The following ADGRV1 variants were observed in gnomAD, a reference collection of about 807,000 sequenced individuals.
The protein encoded by ADGRV1 is adhesion G protein-coupled receptor V1.
Under a neutral mutation model 596.2 loss-of-function variants are expected in ADGRV1, and 359 were observed. The ratio of observed to expected loss-of-function variants is 0.60; its 90% CI spans 0.55 to 0.66. The LOEUF is 0.66. Ranked by LOEUF, ADGRV1 falls within the 30% of genes least tolerant of loss-of-function variation. The probability of loss-of-function intolerance (pLI) is 0.00; values close to 1 mark genes in which losing one functional copy is unlikely to be tolerated. For missense variants in ADGRV1, 7,274 were observed against 7,575.6 expected (o/e 0.96, Z 1.48); for synonymous variants, 2,681 against 2,679.2 (o/e 1.00, Z -0.02).
At chr5:90,828,805 A>T (rs999714570) in intron 76 of ADGRV1, 139 bp from the exon 77 acceptor site, 2 of 460,842 alleles carry the variant, frequency 4.3e-6, no homozygotes, top group African/African-American at 4.0e-5. Flanking sequence ...TTCCGTAATT[A>T]TACAGAATAT....
intron 53 of ADGRV1, among the ~76,000 whole-genome samples, chr5:90,751,107 G>C (rs955754726): frequency 2.6e-5 from 4 of 152,138 alleles, no homozygotes; most frequent in Non-Finnish European, 5.9e-5. Flanking sequence ...GTTGTGGAGT[G>C]ATATAGGTTG....
intron 23 of ADGRV1, chr5:90,674,597 G>C (rs1045107557): frequency 1.9e-5 from 3 of 159,598 alleles, no homozygotes; most frequent in African/African-American, 7.2e-5. Flanking sequence ...TAAGCTTCAA[G>C]AAGTGAAGCT....
intron 87 of ADGRV1, among the ~76,000 whole-genome samples, chr5:91,108,831 G>C (rs566384950): frequency 3.3e-5 from 5 of 152,036 alleles, no homozygotes; most frequent in Non-Finnish European, 7.4e-5. Flanking sequence ...TCCTGGCCTC[G>C]AGTGATCCTC....
chr5:90,837,251 A>G (rs1765045853), intron 77 of ADGRV1, among the ~76,000 whole-genome samples: 1 of 152,244 alleles, frequency 6.6e-6, no homozygotes, highest in Non-Finnish European at 1.5e-5. Flanking sequence ...GATTCCAAAT[A>G]CTTTCTTTTA....
chr5:90,604,606 C>T (rs778944346), intron 1 of ADGRV1, among the ~76,000 whole-genome samples: 1 of 152,106 alleles, frequency 6.6e-6, no homozygotes, highest in Non-Finnish European at 1.5e-5. Context: ...GGTCAAAAAT[C>T]TATCCTTAGA....
chr5:90,685,821 G>A lies in ADGRV1; in HGVS notation c.6316G>A (p.Ala2106Thr). 3.1e-6 allele frequency: 5 copies of A among 1,611,376 alleles called. No homozygotes were observed. The highest frequency in any genetic ancestry group is 4.2e-6 in the Non-Finnish European group (5 of 1,178,660). Residue 2106 changes from alanine to threonine, a missense_variant, in exon 29 of 90, where the codon GCG becomes ACG. By Grantham distance (58) the Ala-to-Thr change is moderately conservative. This residue lies in a region of ADGRV1 where 3,643 missense variants were observed against 3,809.2 expected (regional missense o/e 0.96). Transcript: ENST00000405460. ...TCTTGGGCCTAAGGTAGAAACTATT[G>A]CGCAACTAATTATCATTGCCAATGA... ...PRLGPKVETI[A>T]QLIIIANDDA...
At chr5:90,719,818 A>G (rs1210470478) in intron 43 of ADGRV1, among the ~76,000 whole-genome samples, 2 of 152,216 alleles carry the variant, frequency 1.3e-5, no homozygotes, top group Non-Finnish European at 2.9e-5. Flanking sequence ...AAAATGCACT[A>G]AATATTTTTT....
chr5:90,908,322 C>T (rs980539207), intron 83 of ADGRV1, among the ~76,000 whole-genome samples: 3 of 152,044 alleles, frequency 2.0e-5, no homozygotes, highest in Non-Finnish European at 4.4e-5. Context: ...ATAATCACAT[C>T]GGGGTAAATG....
At chr5:90,930,074 C>G (rs963791593) in intron 83 of ADGRV1, among the ~76,000 whole-genome samples, 1 of 152,130 alleles carries the variant, frequency 6.6e-6, no homozygotes, top group African/African-American at 2.4e-5. Context: ...CACTAAACAT[C>G]TTCTTTTTGT....
At chr5:90,989,873 A>G (rs923074588) in intron 85 of ADGRV1, among the ~76,000 whole-genome samples, 5 of 151,892 alleles carry the variant, frequency 3.3e-5, no homozygotes, top group South Asian at 4.2e-4. Context: ...CTGGAGTGCA[A>G]TGGCGTGATC....
intron 85 of ADGRV1, among the ~76,000 whole-genome samples, chr5:91,034,174 C>A (rs1207239179): frequency 6.6e-6 from 1 of 151,888 alleles, no homozygotes; most frequent in African/African-American, 2.4e-5. Context: ...GCTGGAAGAC[C>A]AAATCTAGTA....
chr5:90,975,550 A>T (rs564210331), intron 84 of ADGRV1, among the ~76,000 whole-genome samples: 22 of 152,316 alleles, frequency 1.4e-4, no homozygotes, highest in African/African-American at 5.1e-4. Flanking sequence ...TGTCCTTTTT[A>T]GGGACATGGA....
intron 70 of ADGRV1, among the ~76,000 whole-genome samples, chr5:90,794,347 CT>C (rs759918962): frequency 1.3e-5 from 2 of 152,086 alleles, no homozygotes; most frequent in Admixed American, 6.5e-5. Context: ...TAACAGCTGG[CT>C]TTTTTTTATG....
intron 83 of ADGRV1, among the ~76,000 whole-genome samples, chr5:90,923,699 A>AAC (rs1774110231): frequency 3.9e-5 from 6 of 152,276 alleles, no homozygotes; most frequent in Non-Finnish European, 8.8e-5. Context: ...TTACATATGT[A>AAC]TACATGTGCC....
At chr5:90,692,236 G>A (rs1561537445) in intron 31 of ADGRV1, among the ~76,000 whole-genome samples, 2 of 151,830 alleles carry the variant, frequency 1.3e-5, no homozygotes, top group Non-Finnish European at 2.9e-5. Flanking sequence ...GTATATTAAC[G>A]CTCCATTAAA....
At chr5:91,082,870 C>A (rs1582002032) in intron 86 of ADGRV1, among the ~76,000 whole-genome samples, 1 of 152,024 alleles carries the variant, frequency 6.6e-6, no homozygotes, top group East Asian at 1.9e-4. Context: ...TTGTTATTTT[C>A]ATTATTTAAA....
intron 86 of ADGRV1, among the ~76,000 whole-genome samples, chr5:91,094,614 A>T (rs867778551): frequency 2.0e-5 from 3 of 152,314 alleles, no homozygotes; most frequent in African/African-American, 4.8e-5. Context: ...ATTGTAGAGG[A>T]CAAATTTCAG....
At chr5:90,966,817 T>G (rs1778514886) in intron 84 of ADGRV1, among the ~76,000 whole-genome samples, 2 of 152,198 alleles carry the variant, frequency 1.3e-5, no homozygotes, top group Non-Finnish European at 1.5e-5. Context: ...TTTAAGTGGC[T>G]CAACTAAAAT....
rs956072967 is a variant in ADGRV1 at position 90,644,731 on chromosome 5, A to C, written c.2760A>C (p.Arg920=). ...CTGTTTATGATGTAGTAAGAAATCG[A>C]GGCAACTTTGGTGATGTTAGTGTAT... The part of the protein sequence containing the change: ...YSAVYDVVRN[R]GNFGDVSVSW... The change falls in exon 15 of 90, where the codon CGA becomes CGC. Residue 920 remains arginine (R), a synonymous_variant. Coordinates refer to ENST00000405460, the MANE Select transcript of ADGRV1 (RefSeq NM_032119.4). The C allele has an allele frequency of 6.2e-7, 1 of 1,610,290 alleles. No homozygotes were observed. Among genetic ancestry groups the C allele is most frequent in the Non-Finnish European group, 8.5e-7 (1 of 1,178,830 alleles).
Sources: allele counts gnomAD v4.1 joint callset (sites outside exome capture counted in the v4.1 genomes callset), GRCh38; gene constraint gnomAD v4.1.1; regional missense constraint gnomAD v4.1.1; transcripts MANE v1.5; gene names NCBI Gene and HGNC (gene_info 2026-07-23, HGNC 2026-07-21).